BRAT1: variants seen among roughly 807,000 people sequenced by gnomAD.
BRAT1 encodes BRCA1 associated ATM activator 1.
A neutral mutation model predicts 70.6 loss-of-function variants in BRAT1; 74 were observed. The ratio of observed to expected loss-of-function variants is 1.05; its 90% confidence interval spans 0.87 to 1.27. The LOEUF (loss-of-function observed/expected upper bound fraction) is 1.27. BRAT1 is among the 50% of genes most tolerant of loss of function. The pLI is 0.00. For missense variants in BRAT1, 1,203 were observed against 1,098.2 expected (o/e 1.10, Z -1.35); for synonymous variants, 615 against 517.1 (o/e 1.19, Z -2.57).
chr7:2,554,315 G>T lies in BRAT1; in HGVS notation c.117C>A (p.Val39=). 2 of 1,613,644 alleles carry T rather than the reference G, an allele frequency of 1.2e-6. No individual in the cohort carries two copies. The highest frequency in any genetic ancestry group is 2.2e-5 in the South Asian group (2 of 90,944). Residue 39 remains valine, a synonymous_variant, in exon 2 of 14, where the codon GTC becomes GTA. Coordinates refer to ENST00000340611, the MANE Select transcript of BRAT1 (RefSeq NM_152743.4). Reference sequence around the variant, plus strand: ...GCACCACCTCCTTACCTCCTTCAGTGACCGTTTTAAACCAGTCCAGGAGCT... The same window carrying T: ...GCACCACCTCCTTACCTCCTTCAGTTACCGTTTTAAACCAGTCCAGGAGCT... ...LEKLLDWFKT[V]TEGESSVVLL...
rs1350074319 is a variant in BRAT1 at position 2,543,897 on chromosome 7, G to C, written c.496C>G (p.Gln166Glu). ...SSLFVASAAS[Q>E]LLVHVLALSM... ...AAAGCCAGGACGTGCACCAGGAGCTGACTGGCCGCCGAGGCCACAAACAGG... is the reference window on the plus strand; with the variant it reads ...AAAGCCAGGACGTGCACCAGGAGCTCACTGGCCGCCGAGGCCACAAACAGG... Residue 166 changes from glutamine to glutamate, a missense_variant, in exon 5 of 14, where the codon CAG becomes GAG. Transcript: ENST00000340611. The surrounding 1 kb of genome is among the most constrained non-coding windows in gnomAD (Gnocchi z 5.5). The C allele has an allele frequency of 5.0e-6, 8 of 1,609,132 alleles. No homozygotes were observed. The South Asian group carries it at 6.6e-5, about 13-fold the overall frequency.
chr7:2,543,836 A>C lies in BRAT1; in HGVS notation c.557T>G (p.Leu186Arg). Residue 186 changes from leucine to arginine, a missense_variant, in exon 5 of 14, where the codon CTG becomes CGG. Leu to Arg is a moderately radical substitution (Grantham distance 102, BLOSUM62 -2). Transcript: ENST00000340611. The surrounding 1 kb of genome is among the most constrained non-coding windows in gnomAD (Gnocchi z 5.5). ...MRGGAEGQPC[L>R]PGGDWPACAQ... ...ACACGCGGGCCAGTCACCCCCCGGC[A>C]GGCAGGGCTGCCCCTCGGCTCCACC... 2 of 1,612,948 alleles carry C rather than the reference A, an allele frequency of 1.2e-6. No individual in the cohort carries two copies. Among genetic ancestry groups the C allele is most frequent in the Non-Finnish European group, 8.5e-7 (1 of 1,179,940 alleles).
chr7:2,540,792 C>T (rs1357856587), intron 10 of BRAT1, 187 bp downstream of exon 10: 5 of 548,316 alleles, frequency 9.1e-6, no homozygotes, highest in Non-Finnish European at 1.5e-5. Flanking sequence ...GATGTATCTT[C>T]ACCAACAAGA....
At chr7:2,549,321 A>G (rs1324354902) in intron 2 of BRAT1, among the ~76,000 whole-genome samples, 1 of 151,270 alleles carries the variant, frequency 6.6e-6, no homozygotes, top group Non-Finnish European at 1.5e-5. Context: ...TCCCCTCTCT[A>G]TAAAAATTCG....
At position 2,538,883 on chromosome 7, in the gene BRAT1, G is replaced by A; in HGVS notation, c.1771-119C>T. On this transcript the variant is annotated intron_variant, in intron 13 of 13. Coordinates refer to ENST00000340611, the MANE Select transcript of BRAT1 (RefSeq NM_152743.4). ...GACATGCAGTCTAGGGCCACAGCCC[G>A]CTCTGACACCTTCCCATGCTGCGCA... 4.7e-6 allele frequency: 7 copies of A among 1,499,264 alleles called. No homozygotes were observed. The South Asian group carries it at 5.2e-5, about 11-fold the overall frequency. The allele number at this position is 1,499,264 out of a possible 1,614,324, so 92.9% of individuals were successfully genotyped here. A position where few individuals can be genotyped will look rare whatever the true frequency, so the allele number is the denominator to read the frequency against.
In BRAT1 at chr7:2,543,730, C is replaced by T; in HGVS notation, c.663G>A (p.Leu221=). The T allele has an allele frequency of 6.3e-7, 1 of 1,594,872 alleles. No homozygotes were observed. The highest frequency in any genetic ancestry group is 8.6e-7 in the Non-Finnish European group (1 of 1,166,312). ...TPKVTQALNV[L]TTTFGRCQSP... is the part of the protein sequence containing the mutation. ...TCTGGCAGCGCCCGAAGGTCGTGGT[C>T]AGGACGTTCAGGGCCTGAGTGACCT... The change falls in exon 5 of 14, where the codon CTG becomes CTA. Residue 221 remains leucine, a synonymous_variant. Coordinates refer to ENST00000340611, the MANE Select transcript of BRAT1 (RefSeq NM_152743.4). The surrounding 1 kb of genome is among the most constrained non-coding windows in gnomAD (Gnocchi z 5.5).
At position 2,538,096 on chromosome 7, in the gene BRAT1, C is replaced by G. The variant is rs1419201626; in HGVS notation, c.2439G>C (p.Leu813=). The G allele has an allele frequency of 9.5e-6, 15 of 1,582,668 alleles. No homozygotes were observed. The highest frequency in any genetic ancestry group is 1.3e-5 in the Non-Finnish European group (15 of 1,159,018). Reference sequence around the variant, plus strand: ...AGTAGCAGTCGGCCTCGTCCCCCTGCAGGAAGCCTCCCGTGGCCAGCATGT... The same window carrying G: ...AGTAGCAGTCGGCCTCGTCCCCCTGGAGGAAGCCTCCCGTGGCCAGCATGT... ...LQDMLATGGF[L]QGDEADCY Residue 813 remains leucine (L), a synonymous_variant, in exon 14 of 14, where the codon CTG becomes CTC. Coordinates refer to ENST00000340611, the MANE Select transcript of BRAT1 (RefSeq NM_152743.4).
intron 2 of BRAT1, among the ~76,000 whole-genome samples, chr7:2,551,036 T>TC (rs900998456): frequency 1.3e-5 from 2 of 151,962 alleles, no homozygotes; most frequent in African/African-American, 4.8e-5. Flanking sequence ...GGTCAGGAGT[T>TC]CGAGACCAGC....
At chr7:2,541,272 G>A (rs762331546) in intron 9 of BRAT1, 26 bp downstream of exon 9, 19 of 1,543,296 alleles carry the variant, frequency 1.2e-5, no homozygotes, top group Non-Finnish European at 1.5e-5. Context: ...ATAGCCCCAC[G>A]CCAAAGCCGT....
intron 2 of BRAT1, 23 bp downstream of exon 2, chr7:2,554,282 A>G (rs1364494682): frequency 1.2e-6 from 2 of 1,611,416 alleles, no homozygotes; most frequent in South Asian, 1.1e-5. Context: ...GATAGGCAGT[A>G]AACAGCAGCA....
Position 2,538,197 on chromosome 7 carries a change from C to G in BRAT1, c.2338G>C (p.Asp780His), listed in dbSNP as rs778372510. Residue 780 changes from aspartate (D) to histidine (H), a missense_variant, in exon 14 of 14, where the codon GAC becomes CAC. By Grantham distance (81) the Asp-to-His change is moderately conservative. Coordinates refer to ENST00000340611, the MANE Select transcript of BRAT1 (RefSeq NM_152743.4). ...EAVLAMLRSL[D>H]LEGLRSTLAE... ...AGCGTGCTCCGCAGGCCCTCCAGGT[C>G]TAGGGACCTGAGCATGGCCAGCACA... The G allele has an allele frequency of 5.6e-6, 9 of 1,610,036 alleles. No individual in the cohort carries two copies. Among genetic ancestry groups the G allele is most frequent in the Non-Finnish European group, 8.5e-7 (1 of 1,178,290 alleles).
At chr7:2,539,374 G>T in intron 12 of BRAT1, 23 bp from the exon 13 acceptor site, 1 of 1,589,416 alleles carries the variant, frequency 6.3e-7, no homozygotes, top group Non-Finnish European at 8.6e-7. Context: ...ACGGCCACAT[G>T]CAGCTGTGAC....
rs200339916 is a variant in BRAT1, at chr7:2,552,102, ATATATTTT to A, written c.127+2195_127+2202del. 2.7e-4 allele frequency among the ~76,000 whole-genome samples: 4 copies of A among 14,718 alleles called. No homozygotes were observed. In the East Asian group the frequency reaches 7.9e-3, roughly 29 times the overall value. 9.7% of individuals were successfully genotyped at this position (14,718 alleles called of 152,430 possible). A position where few individuals can be genotyped will look rare whatever the true frequency, so the allele number is the denominator to read the frequency against. ...CTTAAATATATATATATATATATAT[ATATATTTT>A]TTTTTTTTTTTTTTTTTTTTTTTTG... On this transcript the variant is annotated intron_variant, in intron 2 of 13. Coordinates refer to ENST00000340611, the MANE Select transcript of BRAT1 (RefSeq NM_152743.4).
Position 2,538,038 on chromosome 7 carries a change from C to A in BRAT1, c.*31G>T. Reference sequence around the variant, plus strand: ...AGGACATGGTGCTGCCTCCCTTGGTCCTGAGCCCCAGTGGCAGACTCTGGT... The same window carrying A: ...AGGACATGGTGCTGCCTCCCTTGGTACTGAGCCCCAGTGGCAGACTCTGGT... On this transcript the variant is annotated 3_prime_UTR_variant, in exon 14 of 14. Coordinates refer to ENST00000340611, the MANE Select transcript of BRAT1 (RefSeq NM_152743.4). The A allele has an allele frequency of 6.6e-7, 1 of 1,521,272 alleles. No homozygotes were observed. The highest frequency in any genetic ancestry group is 1.3e-5 in the South Asian group (1 of 75,744). 94.2% of individuals were successfully genotyped at this position (1,521,272 alleles called of 1,614,324 possible). A position where few individuals can be genotyped will look rare whatever the true frequency, so the allele number is the denominator to read the frequency against.
chr7:2,538,495 G>T lies in BRAT1; in HGVS notation c.2040C>A (p.Pro680=). 4 of 1,611,396 alleles carry T rather than the reference G, an allele frequency of 2.5e-6. No individual in the cohort carries two copies. Among genetic ancestry groups the T allele is most frequent in the Non-Finnish European group, 3.4e-6 (4 of 1,179,834 alleles). Residue 680 remains proline (P), a synonymous_variant, in exon 14 of 14, where the codon CCC becomes CCA. Transcript: ENST00000340611. ...RTHCPYAVAL[P]EVAPAQPLTE... The stretch of plus-strand genomic sequence containing the variant: ...TGAGTGGCTGGGCTGGGGCCACCTC[G>T]GGTAGGGCCACGGCATAGGGGCAGT...
At chr7:2,541,153 A>C in intron 9 of BRAT1, 101 bp from the exon 10 acceptor site, 3 of 1,443,868 alleles carry the variant, frequency 2.1e-6, no homozygotes, top group Non-Finnish European at 2.8e-6. Flanking sequence ...CGCCAGCTGA[A>C]ACCTCCTGCA....
chr7:2,554,597 G>T, intron 1 of BRAT1, 150 bp from the exon 2 acceptor site: 1 of 1,032,808 alleles, frequency 9.7e-7, no homozygotes, highest in South Asian at 1.7e-5. Context: ...CAGACCAGAG[G>T]TCTGTACTGC....
intron 2 of BRAT1, among the ~76,000 whole-genome samples, chr7:2,549,655 A>C (rs1450180475): frequency 6.6e-6 from 1 of 152,226 alleles, no homozygotes; most frequent in Admixed American, 6.5e-5. Context: ...AATTAAAGAG[A>C]TCAAACTTAT....
chr7:2,541,092 C>T, intron 9 of BRAT1, 40 bp from the exon 10 acceptor site: 1 of 1,505,268 alleles, frequency 6.6e-7, no homozygotes. Context: ...CCCACCCCCA[C>T]CCTAGGACCC....
Sources: gnomAD v4.1 joint callset for allele counts (sites outside exome capture counted in the v4.1 genomes callset) on GRCh38, gnomAD v4.1.1 for gene constraint, Gnocchi (gnomAD v3.1) non-coding constraint, MANE v1.5 for transcripts, NCBI Gene and HGNC (gene_info 2026-07-23, HGNC 2026-07-21) for gene names.